SCRN2: variants seen among roughly 807,000 people sequenced by gnomAD.
SCRN2 encodes secernin-2.
In SCRN2, 30 loss-of-function variants were observed where a neutral mutation model predicts 40.1. The ratio of observed to expected loss-of-function variants is 0.75; its 90% CI spans 0.56 to 1.01. The LOEUF (loss-of-function observed/expected upper bound fraction) is 1.01. Among genes scored for constraint, SCRN2 ranks in the 50% least tolerant of loss-of-function variants. The pLI is 0.00. For synonymous variants in SCRN2, 240 were observed against 233.5 expected (o/e 1.03, Z -0.25); for missense variants, 526 against 564.9 (o/e 0.93, Z 0.70).
In SCRN2 at chr17:47,840,214, G is replaced by A. The variant is rs188844118; in HGVS notation, c.333C>T (p.Ala111=). 6 of 1,613,710 alleles carry A rather than the reference G, an allele frequency of 3.7e-6. No individual in the cohort carries two copies. The Admixed American group carries it at 6.7e-5, about 18-fold the overall frequency. Residue 111 remains alanine, a synonymous_variant, in exon 3 of 8, where the codon GCC becomes GCT. Transcript: ENST00000290216. ...ACCTGAGTAGGTCCATGCCCAGCAGGGCTTCCCCCTCCCCAACTGGCTCCT... is the reference window on the plus strand; with the variant it reads ...ACCTGAGTAGGTCCATGCCCAGCAGAGCTTCCCCCTCCCCAACTGGCTCCT... ...WTKEPVGEGE[A]LLGMDLLRLA... is the part of the protein sequence containing the mutation.
chr17:47,838,328 C>T lies in SCRN2; in HGVS notation c.1061G>A (p.Arg354His), dbSNP rs765282643. ...GTGTCCACGGTAGAGGGTATGCCGA[C>T]GATCTACCTGAGTCTGGAATCGGGG... ...TLPRFQTQVDRRHTLYRGHQA... is the reference protein window; with the variant it reads ...TLPRFQTQVDHRHTLYRGHQA... The change falls in exon 7 of 8, where the codon CGT becomes CAT. Residue 354 changes from arginine (R) to histidine (H), a missense_variant. By Grantham distance (29) the Arg-to-His change is conservative (BLOSUM62 0). Transcript: ENST00000290216. The T allele has an allele frequency of 1.4e-5, 23 of 1,610,832 alleles. No individual in the cohort carries two copies. The Middle Eastern group carries it at 1.2e-3, about 81-fold the overall frequency.
In SCRN2 at chr17:47,840,718, C is replaced by T; in HGVS notation, c.126G>A (p.Glu42=). Residue 42 remains glutamate (E), a synonymous_variant, in exon 2 of 8, where the codon GAG becomes GAA. Coordinates refer to ENST00000290216, the MANE Select transcript of SCRN2 (RefSeq NM_138355.4). ...NSDRPRDEVQ[E]VVFVPAGTHT... is the part of the protein sequence containing the mutation. ...GAGTGCCTGCGGGGACAAACACCAC[C>T]TCCTGCACCTCGTCCCGGGGTCGGT... The T allele has an allele frequency of 6.2e-7, 1 of 1,604,146 alleles. No individual in the cohort carries two copies. The highest frequency in any genetic ancestry group is 8.5e-7 in the Non-Finnish European group (1 of 1,174,924).
chr17:47,839,722 G>C, intron 3 of SCRN2, 79 bp from the exon 4 acceptor site: 1 of 1,491,980 alleles, frequency 6.7e-7, no homozygotes, highest in Non-Finnish European at 9.3e-7. Flanking sequence ...GGGGACAGAA[G>C]AGGCCCGGAG....
intron 3 of SCRN2, 131 bp from the exon 4 acceptor site, chr17:47,839,774 C>T: frequency 1.1e-6 from 1 of 884,340 alleles, no homozygotes; most frequent in Non-Finnish European, 1.8e-6. Flanking sequence ...AATCTGCTGG[C>T]ACTGATCGTA....
chr17:47,839,149 A>T, intron 4 of SCRN2, 143 bp from the exon 5 acceptor site: 1 of 828,566 alleles, frequency 1.2e-6, no homozygotes. Flanking sequence ...GGCAGACAAA[A>T]TAATCACAGA....
At position 47,840,087 on chromosome 17, in the gene SCRN2, G is replaced by A. The variant is rs1219044310; in HGVS notation, c.356+104C>T. On this transcript the variant is annotated intron_variant, in intron 3 of 7. Transcript: ENST00000290216. ...AGGGCAAAGTCTGCAGAGAGGAGGA[G>A]GCCCCTGTGAACCAGGCTGGGGGAG... The A allele has an allele frequency of 5.9e-6, 7 of 1,183,268 alleles. No individual in the cohort carries two copies. The Admixed American group carries it at 1.1e-4, about 19-fold the overall frequency. 73.3% of individuals were successfully genotyped at this position (1,183,268 alleles called of 1,614,324 possible). A position where few individuals can be genotyped will look rare whatever the true frequency, so the allele number is the denominator to read the frequency against.
In SCRN2 at chr17:47,837,935, C is replaced by T; in HGVS notation, c.1187G>A (p.Gly396Glu). 1.2e-6 allele frequency: 2 copies of T among 1,606,162 alleles called. No homozygotes were observed. The highest frequency in any genetic ancestry group is 1.7e-6 in the Non-Finnish European group (2 of 1,179,316). The change falls in exon 8 of 8, where the codon GGG becomes GAG. Residue 396 changes from glycine (G) to glutamate (E), a missense_variant. Physicochemically the swap from Gly to Glu is moderately conservative, Grantham distance 98. Coordinates refer to ENST00000290216, the MANE Select transcript of SCRN2 (RefSeq NM_138355.4). ...TGGGGCCCACTCGCCGGCCAGCAGC[C>T]CCTGTGTGGCCTCGAGGCCTTCCTG... ...LEQEGLEATQGLLAGEWAPPL... is the reference protein window; with the variant it reads ...LEQEGLEATQELLAGEWAPPL...
rs1413964084 is a variant in SCRN2, at chr17:47,838,544, G to C, written c.925C>G (p.Pro309Ala). 1 of 1,614,058 alleles carries C rather than the reference G, an allele frequency of 6.2e-7. No homozygotes were observed. The highest frequency in any genetic ancestry group is 1.7e-5 in the Admixed American group (1 of 60,024). The change falls in exon 6 of 8, where the codon CCA (proline) becomes GCA (alanine). Residue 309 changes from proline (P) to alanine (A), a missense_variant. By Grantham distance (27) the Pro-to-Ala change is conservative. Transcript: ENST00000290216. ...CATTCTTCCCACCTGGATGGGTCTG[G>C]CGTGGCGGTAAGAAAGTGCACGCAG... is the stretch of plus-strand genomic sequence containing the variant. ...QPCVHFLTATPDPSRSVFKPF... is the reference protein window; with the variant it reads ...QPCVHFLTATADPSRSVFKPF...
intron 7 of SCRN2, 119 bp from the exon 8 acceptor site, chr17:47,838,121 A>G: frequency 6.5e-7 from 1 of 1,527,670 alleles, no homozygotes; most frequent in South Asian, 1.2e-5. Context: ...ACATTCCCCA[A>G]AGGCAGTTGC....
In SCRN2 at chr17:47,838,401, G is replaced by C. The variant is rs1274032943; in HGVS notation, c.988C>G (p.Gln330Glu). 3 of 1,609,532 alleles carry C rather than the reference G, an allele frequency of 1.9e-6. No individual in the cohort carries two copies. The highest frequency in any genetic ancestry group is 1.7e-4 in the Middle Eastern group (1 of 6,042). Reference protein sequence around the residue: ...IFGMGVAQAPQVLSPTFGAQD... With the variant: ...IFGMGVAQAPEVLSPTFGAQD... Reference sequence around the variant, plus strand: ...GCTCCAAAAGTGGGGGACAGCACCTGGGGGGCCTGGGCCACCCCCATCCCG... The same window carrying C: ...GCTCCAAAAGTGGGGGACAGCACCTCGGGGGCCTGGGCCACCCCCATCCCG... The change falls in exon 7 of 8, where the codon CAG (glutamine) becomes GAG (glutamate). Residue 330 changes from glutamine (Q) to glutamate (E), a missense_variant. Coordinates refer to ENST00000290216, the MANE Select transcript of SCRN2 (RefSeq NM_138355.4).
chr17:47,840,104 C>G (rs1038516142), intron 3 of SCRN2, 87 bp downstream of exon 3: 77 of 1,397,232 alleles, frequency 5.5e-5, no homozygotes, highest in Non-Finnish European at 7.4e-5. Context: ...GTGAACCAGG[C>G]TGGGGGAGGG....
At chr17:47,840,112 G>C in intron 3 of SCRN2, 79 bp downstream of exon 3, 1 of 1,440,272 alleles carries the variant, frequency 6.9e-7, no homozygotes, top group Non-Finnish European at 9.4e-7. Context: ...GGCTGGGGGA[G>C]GGATGGATGG....
intron 3 of SCRN2, 37 bp from the exon 4 acceptor site, chr17:47,839,680 A>G (rs763784100): frequency 1.7e-5 from 28 of 1,608,432 alleles, no homozygotes; most frequent in Non-Finnish European, 2.4e-5. Flanking sequence ...GAAGGGTGAC[A>G]GAGGGATCAA....
rs753118992 is a variant in SCRN2, at chr17:47,839,827, T to C, written c.357-184A>G. 3.6e-5 allele frequency: 23 copies of C among 638,050 alleles called. No homozygotes were observed. In the Admixed American group the frequency reaches 5.8e-4, roughly 16 times the overall value. The allele number at this position is 638,050 out of a possible 1,614,324, so 39.5% of individuals were successfully genotyped here. A position where few individuals can be genotyped will look rare whatever the true frequency, so the allele number is the denominator to read the frequency against. On this transcript the variant is annotated intron_variant, in intron 3 of 7. Transcript: ENST00000290216. ...AGTGGCTTTCAATGCTCTGGTTCCATGTGCTATGCTTTGAGGGTTCCATGA... is the reference window on the plus strand; with the variant it reads ...AGTGGCTTTCAATGCTCTGGTTCCACGTGCTATGCTTTGAGGGTTCCATGA...
rs1454584771 is a variant in SCRN2 at position 47,838,532 on chromosome 17, T to G, written c.937A>C (p.Arg313=). The G allele has an allele frequency of 6.2e-7, 1 of 1,613,934 alleles. No individual in the cohort carries two copies. The highest frequency in any genetic ancestry group is 8.5e-7 in the Non-Finnish European group (1 of 1,179,960). Residue 313 remains arginine (R), a splice_region_variant and synonymous_variant, in exon 6 of 8, where the codon AGG becomes CGG. Transcript: ENST00000290216. ...CTTCCCCACCCTCATTCTTCCCACC[T>G]GGATGGGTCTGGCGTGGCGGTAAGA... ...HFLTATPDPS[R]SVFKPFIFGM... is the part of the protein sequence containing the mutation.
Position 47,840,298 on chromosome 17 carries a change from C to G in SCRN2, c.249G>C (p.Gly83=), listed in dbSNP as rs749264004. The G allele has an allele frequency of 3.0e-5, 48 of 1,614,088 alleles. No homozygotes were observed. Among genetic ancestry groups the G allele is most frequent in the Admixed American group, 5.0e-5 (3 of 60,012 alleles). Residue 83 remains glycine (G), a synonymous_variant, in exon 3 of 8, where the codon GGG becomes GGC. Transcript: ENST00000290216. ...CATGCTCGTTGGCGCCCATCTCAGCCCCCCATAGCCAAGAAGGACGGCTCA... is the reference window on the plus strand; with the variant it reads ...CATGCTCGTTGGCGCCCATCTCAGCGCCCCATAGCCAAGAAGGACGGCTCA... The part of the protein sequence containing the change: ...VILSRPSWLW[G]AEMGANEHGV...
chr17:47,838,248 G>A, intron 7 of SCRN2, 22 bp downstream of exon 7: 4 of 1,578,444 alleles, frequency 2.5e-6, no homozygotes, highest in Non-Finnish European at 3.4e-6. Flanking sequence ...CCTCAAGGTA[G>A]CCCCTACTCC....
At position 47,840,255 on chromosome 17, in the gene SCRN2, CG is replaced by C. The variant is rs750807089; in HGVS notation, c.291del (p.Asn97LysfsTer38). On this transcript the variant is annotated frameshift_variant, in exon 3 of 8. Coordinates refer to ENST00000290216, the MANE Select transcript of SCRN2 (RefSeq NM_138355.4). LOFTEE classifies it high-confidence loss of function. Reference sequence around the variant, plus strand: ...ACTGGCTCCTTCGTCCACACAGCCTCGTTGCCAATGCAGACACCATGCTCGT... The same window carrying C: ...ACTGGCTCCTTCGTCCACACAGCCTCTTGCCAATGCAGACACCATGCTCGT... The part of the protein sequence containing the change: ...GANEHGVCIG[N>X]EAVWTKEPVG... 16 of 1,614,176 alleles carry C rather than the reference CG, an allele frequency of 9.9e-6. No individual in the cohort carries two copies. The African/African-American group carries it at 1.7e-4, about 17-fold the overall frequency.
intron 2 of SCRN2, 62 bp from the exon 3 acceptor site, chr17:47,840,434 C>T: frequency 6.4e-7 from 1 of 1,557,338 alleles, no homozygotes; most frequent in East Asian, 2.3e-5. Context: ...TCGAGTGTGG[C>T]ACTCTGCCAA....
Sources: gnomAD v4.1 joint callset for allele counts on GRCh38, gnomAD v4.1.1 for gene constraint, MANE v1.5 for transcripts, NCBI Gene and HGNC (gene_info 2026-07-23, HGNC 2026-07-21) for gene names.